OTUD7A: variants seen among roughly 807,000 people sequenced by gnomAD.
OTUD7A encodes the protein OTU domain-containing protein 7A.
OTUD7A carries 12 observed loss-of-function variants against 65.7 expected under a neutral mutation model. The observed-to-expected ratio is 0.18, with a 90% CI of 0.12 to 0.30. OTUD7A has a LOEUF of 0.30. Ranked by LOEUF, OTUD7A falls within the 10% of genes least tolerant of loss-of-function variation. The pLI is 1.00. For synonymous variants in OTUD7A, 641 were observed against 586.3 expected (o/e 1.09, Z -1.35); for missense variants, 1,148 against 1,304.8 (o/e 0.88, Z 1.85).
At chr15:31,592,904 A>AATATATATATAT (rs1226266359) in intron 3 of OTUD7A, among the ~76,000 whole-genome samples, 4 of 59,382 alleles carry the variant, frequency 6.7e-5, no homozygotes, top group African/African-American at 1.6e-4. Context: ...AAAAAAAAAA[A>AATATATATATAT]ATATATATAT....
At chr15:31,675,767 T>C (rs911844680) in intron 1 of OTUD7A, among the ~76,000 whole-genome samples, 4 of 152,214 alleles carry the variant, frequency 2.6e-5, no homozygotes, top group Admixed American at 2.0e-4. Context: ...CAAAAAGATC[T>C]ATTTCATAAT....
chr15:31,767,084 T>C (rs1266602901), intron 1 of OTUD7A: 9 of 1,571,128 alleles, frequency 5.7e-6, no homozygotes, highest in Non-Finnish European at 2.6e-6. Context: ...GGATTGCTTA[T>C]CTGTAGTCTC....
rs1895127100 is a variant in OTUD7A, at chr15:31,767,727, T to C, written c.-100+102780A>G. On this transcript the variant is annotated intron_variant, in intron 1 of 12. Coordinates refer to ENST00000307050, the MANE Select transcript of OTUD7A (RefSeq NM_001382637.1). ...TCATTTATTATTTCATGTTTTATTT[T>C]CTCGGCATTTTCCTGAGATAAATGT... The C allele has an allele frequency of 7.0e-6, 5 of 713,040 alleles. No individual in the cohort carries two copies. In the African/African-American group the frequency reaches 8.9e-5, roughly 13 times the overall value. The allele number at this position is 713,040 out of a possible 1,614,324, so 44.2% of individuals were successfully genotyped here.
At chr15:31,513,819 G>A (rs2141102205) in intron 8 of OTUD7A, among the ~76,000 whole-genome samples, 1 of 152,310 alleles carries the variant, frequency 6.6e-6, no homozygotes, top group Non-Finnish European at 1.5e-5. Flanking sequence ...CAAGCATTTT[G>A]TGGAGAGGAA....
At chr15:31,494,950 C>T (rs925147014) in intron 10 of OTUD7A, among the ~76,000 whole-genome samples, 21 of 152,216 alleles carry the variant, frequency 1.4e-4, no homozygotes, top group African/African-American at 4.6e-4. Context: ...GGAAACTGCA[C>T]ATCACACAGA....
At chr15:31,635,258 A>G (rs1891303823) in intron 3 of OTUD7A, among the ~76,000 whole-genome samples, 2 of 152,246 alleles carry the variant, frequency 1.3e-5, no homozygotes, top group Admixed American at 6.5e-5. Flanking sequence ...TCTTAGGAAA[A>G]CCTGGTACTA....
At chr15:31,503,425 A>C (rs950754295) in intron 9 of OTUD7A, among the ~76,000 whole-genome samples, 4 of 152,244 alleles carry the variant, frequency 2.6e-5, no homozygotes, top group African/African-American at 9.6e-5. Flanking sequence ...GGCACACGAC[A>C]GGAGACAGGA....
intron 5 of OTUD7A, among the ~76,000 whole-genome samples, chr15:31,532,865 T>C (rs1595589673): frequency 7.4e-6 from 1 of 134,518 alleles, no homozygotes; most frequent in South Asian, 2.3e-4. Context: ...ACCTGGGAGG[T>C]GGAGCTTGTA....
At chr15:31,519,089 T>C (rs140538128) in intron 8 of OTUD7A, among the ~76,000 whole-genome samples, 276 of 152,130 alleles carry the variant, frequency 1.8e-3, no homozygotes, top group African/African-American at 6.2e-3. Flanking sequence ...AAATAGTTAC[T>C]GATTATCCAC....
At chr15:31,674,959 A>T (rs1892564587) in intron 1 of OTUD7A, among the ~76,000 whole-genome samples, 1 of 152,138 alleles carries the variant, frequency 6.6e-6, no homozygotes, top group African/African-American at 2.4e-5. Context: ...CCACCCGTGG[A>T]CTTCTTATTA....
intron 4 of OTUD7A, among the ~76,000 whole-genome samples, chr15:31,561,536 A>T (rs1888688942): frequency 6.6e-6 from 1 of 152,174 alleles, no homozygotes; most frequent in Non-Finnish European, 1.5e-5. Context: ...CGGGCCCATC[A>T]ATCAGCACCC....
intron 1 of OTUD7A, among the ~76,000 whole-genome samples, chr15:31,680,050 A>G (rs1042619880): frequency 2.6e-5 from 4 of 152,196 alleles, no homozygotes; most frequent in African/African-American, 9.7e-5. Context: ...TGATGAAAAT[A>G]CAAATTCGAC....
intron 5 of OTUD7A, chr15:31,558,008 A>T (rs1194440439): frequency 6.6e-6 from 1 of 152,268 alleles, no homozygotes; most frequent in South Asian, 2.1e-4. Context: ...AGGCTGGGTC[A>T]GCACTGGAAG....
rs377185847 is a variant in OTUD7A at position 31,484,698 on chromosome 15, G to A, written c.1398C>T (p.Pro466=). 11 of 1,586,146 alleles carry A rather than the reference G, an allele frequency of 6.9e-6. No individual in the cohort carries two copies. The highest frequency in any genetic ancestry group is 9.4e-6 in the Non-Finnish European group (11 of 1,171,648). Residue 466 remains proline, a synonymous_variant, in exon 13 of 13, where the codon CCC becomes CCT. Transcript: ENST00000307050. The surrounding 1 kb of genome is among the most constrained non-coding windows in gnomAD (Gnocchi z 4.5). ...GCACGTCCTCCCCTGCCGAGGCCGT[G>A]GGAGACTCCGGCTGTGCCAGGGGCG... ...TRAPLAQPES[P]TASAGEDVQS...
chr15:31,785,236 C>T (rs117168535), intron 1 of OTUD7A, among the ~76,000 whole-genome samples: 2,920 of 152,334 alleles, frequency 0.019, 52 homozygotes, highest in Non-Finnish European at 0.031. Flanking sequence ...TGTAACTACA[C>T]ACTGACGCAT....
intron 1 of OTUD7A, among the ~76,000 whole-genome samples, chr15:31,714,787 CCA>C (rs1215808369): frequency 1.3e-5 from 2 of 152,144 alleles, no homozygotes; most frequent in Non-Finnish European, 2.9e-5. Flanking sequence ...CATGAGCAAA[CCA>C]CAGTCTGCCC....
intron 5 of OTUD7A, among the ~76,000 whole-genome samples, chr15:31,533,461 T>G (rs1344420304): frequency 6.6e-6 from 1 of 152,192 alleles, no homozygotes; most frequent in Non-Finnish European, 1.5e-5. Flanking sequence ...AGTCTCGAAC[T>G]CCTGACCTCA....
chr15:31,788,277 C>T (rs1466995071), intron 1 of OTUD7A, among the ~76,000 whole-genome samples: 2 of 152,250 alleles, frequency 1.3e-5, no homozygotes, highest in Middle Eastern at 3.4e-3. Flanking sequence ...TGCCAAAGGA[C>T]TCTTTGGGCT....
intron 8 of OTUD7A, among the ~76,000 whole-genome samples, chr15:31,516,222 T>C (rs2041852645): frequency 6.6e-6 from 1 of 152,214 alleles, no homozygotes; most frequent in South Asian, 2.1e-4. Context: ...TGGCATGGCA[T>C]TCTTTTCATG....
Sources: gnomAD v4.1 joint callset for allele counts (sites outside exome capture counted in the v4.1 genomes callset) on GRCh38, gnomAD v4.1.1 for gene constraint, Gnocchi (gnomAD v3.1) non-coding constraint, MANE v1.5 for transcripts, NCBI Gene and HGNC (gene_info 2026-07-23, HGNC 2026-07-21) for gene names.